PRR12: variants seen among roughly 807,000 people sequenced by gnomAD.
The protein encoded by PRR12 is proline rich 12.
PRR12 carries 12 observed loss-of-function variants against 138.0 expected under a neutral mutation model. The ratio of observed to expected loss-of-function variants is 0.09; its 90% confidence interval spans 0.06 to 0.14. The LOEUF (loss-of-function observed/expected upper bound fraction) is 0.14, where lower values mean the gene tolerates loss of function less well. Ranked by LOEUF, PRR12 falls within the 10% of genes least tolerant of loss-of-function variation. The probability of loss-of-function intolerance (pLI) is 1.00; values close to 1 mark genes in which losing one functional copy is unlikely to be tolerated. For synonymous variants in PRR12, 1,567 were observed against 1,291.7 expected (o/e 1.21, Z -4.57); for missense variants, 2,692 against 2,861.3 (o/e 0.94, Z 1.35).
Position 49,614,786 on chromosome 19 carries a change from C to A in PRR12, c.4891-90C>A. 6.3e-7 allele frequency: 1 copy of A among 1,577,982 alleles called. No homozygotes were observed. Among genetic ancestry groups the A allele is most frequent in the Non-Finnish European group, 8.7e-7 (1 of 1,152,978 alleles). On this transcript the variant is annotated intron_variant, in intron 7 of 13. Coordinates refer to ENST00000418929, the MANE Select transcript of PRR12 (RefSeq NM_020719.3). This position sits in a 1 kb window ranked among gnomAD's most constrained non-coding sequence, Gnocchi z 5.0. ...CCCCCTGCTGCCGGCAGGCTCCAAGCAGCTGCCATGGTGGCCCAGGGCACG... is the reference window on the plus strand; with the variant it reads ...CCCCCTGCTGCCGGCAGGCTCCAAGAAGCTGCCATGGTGGCCCAGGGCACG...
In PRR12 at chr19:49,599,854, G is replaced by C; in HGVS notation, c.4261G>C (p.Gly1421Arg). 17 of 1,613,140 alleles carry C rather than the reference G, an allele frequency of 1.1e-5. No homozygotes were observed. The highest frequency in any genetic ancestry group is 1.4e-5 in the Non-Finnish European group (17 of 1,179,866). ...AGPKDTSTPD[G>R]PPLAPAAAVP... ...GCCAAAAGACACTTCCACCCCAGAT[G>C]GGCCGCCCTTGGCCCCCGCGGCTGC... Residue 1421 changes from glycine (G) to arginine (R), a missense_variant, in exon 5 of 14, where the codon GGG becomes CGG. By Grantham distance (125) the Gly-to-Arg change is moderately radical. Coordinates refer to ENST00000418929, the MANE Select transcript of PRR12 (RefSeq NM_020719.3). This position sits in a 1 kb window ranked among gnomAD's most constrained non-coding sequence, Gnocchi z 5.0.
At position 49,616,908 on chromosome 19, in the gene PRR12, C is replaced by T. The variant is rs1194178756; in HGVS notation, c.5497+689C>T. ...CTTTGGGAGGCCAAGGTGGGCGGAT[C>T]AGCTGAGGTCAGGAGTTCAAGACCA... On this transcript the variant is annotated intron_variant, in intron 9 of 13. Transcript: ENST00000418929. This position sits in a 1 kb window ranked among gnomAD's most constrained non-coding sequence, Gnocchi z 4.2. Among the ~76,000 whole-genome samples the T allele has an allele frequency of 6.6e-6, 1 of 152,122 alleles. No individual in the cohort carries two copies. The highest frequency in any genetic ancestry group is 1.5e-5 in the Non-Finnish European group (1 of 68,012).
chr19:49,625,526 G>T lies in PRR12; in HGVS notation c.6030G>T (p.Arg2010=). The stretch of plus-strand genomic sequence containing the variant: ...AGGAGGTGGTCCAGCAGTGCATGCG[G>T]AACCAGCCGTGGCTGGAACAGCTCT... The part of the protein sequence containing the change: ...GQEEVVQQCM[R]NQPWLEQLFD... Residue 2010 remains arginine (R), a synonymous_variant, in exon 14 of 14, where the codon CGG becomes CGT. Transcript: ENST00000418929. The surrounding 1 kb of genome is among the most constrained non-coding windows in gnomAD (Gnocchi z 5.5). The T allele has an allele frequency of 6.2e-7, 1 of 1,612,492 alleles. No individual in the cohort carries two copies. Among genetic ancestry groups the T allele is most frequent in the Non-Finnish European group, 8.5e-7 (1 of 1,179,416 alleles).
At chr19:49,591,852 C>T (rs1261341018) in intron 1 of PRR12, 112 bp downstream of exon 1, 2 of 577,008 alleles carry the variant, frequency 3.5e-6, no homozygotes. Flanking sequence ...AACTCCCCTC[C>T]GGCTTGCAAG....
Position 49,596,843 on chromosome 19 carries a change from T to TACCCC in PRR12, c.2508_2509insACCCC (p.Pro837ThrfsTer65). ...CCCGCGATGGGGCACCCCAGCCACC[T>TACCCC]CCACCGCCACCCCCGCCTCCACCAC... On this transcript the variant is annotated frameshift_variant, in exon 4 of 14. Transcript: ENST00000418929. LOFTEE classifies it high-confidence loss of function. The surrounding 1 kb of genome is among the most constrained non-coding windows in gnomAD (Gnocchi z 5.6). 1.3e-6 allele frequency: 2 copies of TACCCC among 1,546,752 alleles called. No homozygotes were observed. The highest frequency in any genetic ancestry group is 1.7e-6 in the Non-Finnish European group (2 of 1,148,746).
chr19:49,615,492 G>C (rs2080887117), intron 8 of PRR12, among the ~76,000 whole-genome samples: 2 of 149,270 alleles, frequency 1.3e-5, no homozygotes, highest in Admixed American at 6.7e-5. Context: ...GAGAGGGAGG[G>C]GGTCAGAGAC....
At chr19:49,620,509 GC>G in intron 10 of PRR12, 32 bp downstream of exon 10, 2 of 1,511,596 alleles carry the variant, frequency 1.3e-6, no homozygotes, top group Non-Finnish European at 1.8e-6. Context: ...AGGGGGGGGG[GC>G]TGACTCGGTC....
intron 6 of PRR12, among the ~76,000 whole-genome samples, chr19:49,609,659 G>A (rs1354863650): frequency 3.9e-5 from 6 of 152,010 alleles, no homozygotes; most frequent in Admixed American, 3.9e-4. Flanking sequence ...GGTTGTCCAG[G>A]CAGAGGAAAC....
chr19:49,603,752 C>T (rs774033609), intron 6 of PRR12, among the ~76,000 whole-genome samples: 3 of 151,970 alleles, frequency 2.0e-5, no homozygotes, highest in East Asian at 1.9e-4. Flanking sequence ...ATTTAATCTT[C>T]GATGTGACAT....
intron 11 of PRR12, chr19:49,621,834 G>C (rs1370097086): frequency 3.5e-6 from 2 of 569,978 alleles, no homozygotes; most frequent in African/African-American, 1.9e-5. Context: ...GGGCCTTGGG[G>C]CAGCAGAGGG....
chr19:49,596,922 G>T lies in PRR12; in HGVS notation c.2587G>T (p.Ala863Ser). 6.5e-7 allele frequency: 1 copy of T among 1,548,288 alleles called. No homozygotes were observed. The highest frequency in any genetic ancestry group is 8.7e-7 in the Non-Finnish European group (1 of 1,153,306). The change falls in exon 4 of 14, where the codon GCC becomes TCC. Residue 863 changes from alanine to serine, a missense_variant. Transcript: ENST00000418929. The surrounding 1 kb of genome is among the most constrained non-coding windows in gnomAD (Gnocchi z 5.6). Reference protein sequence around the residue: ...HLRSHGLEPAAPSPRLRPEES... With the variant: ...HLRSHGLEPASPSPRLRPEES... ...CCGCAGCCATGGCCTGGAGCCCGCG[G>T]CCCCCAGCCCCCGCCTGCGACCCGA...
chr19:49,604,545 G>C (rs926162914), intron 6 of PRR12, among the ~76,000 whole-genome samples: 2 of 151,936 alleles, frequency 1.3e-5, no homozygotes, highest in African/African-American at 2.4e-5. Flanking sequence ...GGGCATGGTG[G>C]CAGGCGCCTG....
intron 10 of PRR12, among the ~76,000 whole-genome samples, chr19:49,620,713 C>T (rs968189394): frequency 7.1e-6 from 1 of 140,498 alleles, no homozygotes; most frequent in African/African-American, 2.7e-5. Context: ...GGCCTGGACT[C>T]CTGGGTCTGA....
chr19:49,593,213 A>ACCC, intron 1 of PRR12, 114 bp from the exon 2 acceptor site: 1 of 450,814 alleles, frequency 2.2e-6, no homozygotes, highest in South Asian at 2.2e-5. Context: ...TTAGCTTAAC[A>ACCC]CCCCCCACCC....
intron 5 of PRR12, among the ~76,000 whole-genome samples, chr19:49,600,217 A>G (rs1159735339): frequency 1.3e-5 from 2 of 151,898 alleles, no homozygotes; most frequent in African/African-American, 2.4e-5. Context: ...GGGACAGGAC[A>G]GGGGCTACTC....
Position 49,595,830 on chromosome 19 carries a change from C to G in PRR12, c.1495C>G (p.Pro499Ala), listed in dbSNP as rs930736675. The stretch of plus-strand genomic sequence containing the variant: ...CCTGGCCACATGTCAGAGCTACTCC[C>G]CGGACCAGCTGCAGGGGCAGCTGTA... The part of the protein sequence containing the change: ...PGLATCQSYS[P>A]DQLQGQLYGV... The change falls in exon 4 of 14, where the codon CCG becomes GCG. Residue 499 changes from proline (P) to alanine (A), a missense_variant. By Grantham distance (27) the Pro-to-Ala change is conservative. Coordinates refer to ENST00000418929, the MANE Select transcript of PRR12 (RefSeq NM_020719.3). 18 of 1,600,022 alleles carry G rather than the reference C, an allele frequency of 1.1e-5. No individual in the cohort carries two copies. Among genetic ancestry groups the G allele is most frequent in the Non-Finnish European group, 1.4e-5 (16 of 1,177,146 alleles).
chr19:49,597,587 C>T lies in PRR12; in HGVS notation c.3252C>T (p.Arg1084=), dbSNP rs1413764296. The T allele has an allele frequency of 1.2e-6, 2 of 1,607,560 alleles. No individual in the cohort carries two copies. The highest frequency in any genetic ancestry group is 1.1e-5 in the South Asian group (1 of 89,778). Residue 1084 remains arginine, a synonymous_variant, in exon 4 of 14, where the codon CGC becomes CGT. Transcript: ENST00000418929. This position sits in a 1 kb window ranked among gnomAD's most constrained non-coding sequence, Gnocchi z 6.3. ...KTSSFHLLRR[R]DPPFQTPKKL... ...CCTCCTTCCACCTGCTGCGGCGCCGCGACCCACCCTTCCAGACCCCCAAGA... is the reference window on the plus strand; with the variant it reads ...CCTCCTTCCACCTGCTGCGGCGCCGTGACCCACCCTTCCAGACCCCCAAGA...
chr19:49,597,981 G>A lies in PRR12; in HGVS notation c.3646G>A (p.Gly1216Ser), dbSNP rs2080786461. ...GGGTCGAAAGGCTGAGGAGGCAGGGGGCACCCGGTTGGAGCCCCTGAAGCC... is the reference window on the plus strand; with the variant it reads ...GGGTCGAAAGGCTGAGGAGGCAGGGAGCACCCGGTTGGAGCCCCTGAAGCC... The part of the protein sequence containing the change: ...GRGRKAEEAG[G>S]TRLEPLKPLK... The change falls in exon 4 of 14, where the codon GGC (glycine) becomes AGC (serine). Residue 1216 changes from glycine to serine, a missense_variant. Gly to Ser is a moderately conservative substitution (Grantham distance 56, BLOSUM62 0). This residue lies in a region of PRR12 where 326 missense variants were observed against 344.2 expected (regional missense o/e 0.95). Coordinates refer to ENST00000418929, the MANE Select transcript of PRR12 (RefSeq NM_020719.3). This position sits in a 1 kb window ranked among gnomAD's most constrained non-coding sequence, Gnocchi z 6.3. The A allele has an allele frequency of 7.2e-7, 1 of 1,391,834 alleles. No individual in the cohort carries two copies. The highest frequency in any genetic ancestry group is 1.5e-5 in the African/African-American group (1 of 65,556). 86.2% of individuals were successfully genotyped at this position (1,391,834 alleles called of 1,614,324 possible). A position where few individuals can be genotyped will look rare whatever the true frequency, so the allele number is the denominator to read the frequency against.
At chr19:49,598,240 GT>G (rs201844794) in intron 4 of PRR12, among the ~76,000 whole-genome samples, 3,552 of 151,878 alleles carry the variant, frequency 0.023, 135 homozygotes, top group African/African-American at 0.081. Flanking sequence ...CGCCCGGCTA[GT>G]TTTTTTGTAT....
Sources: allele counts gnomAD v4.1 joint callset (sites outside exome capture counted in the v4.1 genomes callset), GRCh38; gene constraint gnomAD v4.1.1; regional missense constraint gnomAD v4.1.1; non-coding constraint Gnocchi (gnomAD v3.1); transcripts MANE v1.5; gene names NCBI Gene and HGNC (gene_info 2026-07-23, HGNC 2026-07-21).